Variants in OR1J2 observed in about 807,000 individuals in gnomAD.
OR1J2 encodes the protein olfactory receptor family 1 subfamily J member 2.
For synonymous variants in OR1J2, 142 were observed against 99.7 expected, an observed-to-expected ratio of 1.42 and a Z score of -2.52; for missense variants, 304 against 246.1, an observed-to-expected ratio of 1.24 and a Z score of -1.57.
chr9:122,467,019 C>T, the OR1J2 span, among the ~76,000 whole-genome samples: 1 of 152,024 alleles, frequency 6.6e-6, no homozygotes, highest in Admixed American at 6.5e-5. Context: ...CGGGGTTTCA[C>T]CTTGTTGGGC....
the OR1J2 span, among the ~76,000 whole-genome samples, chr9:122,478,361 C>CA: frequency 6.6e-6 from 1 of 152,130 alleles, no homozygotes; most frequent in South Asian, 2.1e-4. Flanking sequence ...TATCTTGACT[C>CA]CATAGTTTCT....
chr9:122,458,811 C>G, the OR1J2 span, among the ~76,000 whole-genome samples: 1 of 151,890 alleles, frequency 6.6e-6, no homozygotes, highest in Non-Finnish European at 1.5e-5. Context: ...CAGCCATTGT[C>G]TCATGAAATA....
the OR1J2 span, among the ~76,000 whole-genome samples, chr9:122,473,608 C>G: frequency 6.6e-6 from 1 of 152,142 alleles, no homozygotes; most frequent in Non-Finnish European, 1.5e-5. Flanking sequence ...TATTTAGACA[C>G]TTGGACAACA....
chr9:122,499,483 C>T, the OR1J2 span, among the ~76,000 whole-genome samples: 2 of 152,084 alleles, frequency 1.3e-5, no homozygotes, highest in Non-Finnish European at 2.9e-5. Context: ...GGGCATGGAT[C>T]AGAGAGAGCC....
At chr9:122,551,283 G>T in the OR1J2 span, among the ~76,000 whole-genome samples, 2 of 152,138 alleles carry the variant, frequency 1.3e-5, no homozygotes, top group East Asian at 3.9e-4. Context: ...ACCTAGGTGG[G>T]GATTCCACTC....
chr9:122,554,288 TAAA>T, the OR1J2 span: 1,065 of 545,228 alleles, frequency 2.0e-3, no homozygotes, highest in South Asian at 3.4e-3. Context: ...GTTAGGGATG[TAAA>T]AAAAAAAAAA....
At chr9:122,521,432 A>G in the OR1J2 span, among the ~76,000 whole-genome samples, 4 of 152,352 alleles carry the variant, frequency 2.6e-5, no homozygotes, top group Non-Finnish European at 5.9e-5. Context: ...AGGTAAGGAA[A>G]GACAGATCAG....
the OR1J2 span, among the ~76,000 whole-genome samples, chr9:122,549,699 C>T: frequency 6.6e-6 from 1 of 152,008 alleles, no homozygotes; most frequent in Non-Finnish European, 1.5e-5. Flanking sequence ...TCCAGGTTCT[C>T]TATTCTTTCC....
At chr9:122,553,888 G>C in the OR1J2 span, 9 of 1,613,972 alleles carry the variant, frequency 5.6e-6, no homozygotes, top group Non-Finnish European at 6.8e-6. Flanking sequence ...CGCATTTTCT[G>C]GGCTGTGTTT....
the OR1J2 span, among the ~76,000 whole-genome samples, chr9:122,494,784 A>C: frequency 6.6e-6 from 1 of 152,136 alleles, no homozygotes; most frequent in Admixed American, 6.5e-5. Flanking sequence ...AGGTCCTGTG[A>C]GATTTATCCT....
At chr9:122,552,549 G>C in the OR1J2 span, among the ~76,000 whole-genome samples, 4 of 152,122 alleles carry the variant, frequency 2.6e-5, no homozygotes, top group South Asian at 8.3e-4. Flanking sequence ...GTGTGTGTGG[G>C]AGGGAACATC....
the OR1J2 span, among the ~76,000 whole-genome samples, chr9:122,518,837 A>AT: frequency 6.6e-6 from 1 of 152,258 alleles, no homozygotes; most frequent in Admixed American, 6.5e-5. Context: ...AACAATGGAA[A>AT]TTGGAAAGAC....
the OR1J2 span, among the ~76,000 whole-genome samples, chr9:122,541,674 G>T: frequency 1.3e-4 from 20 of 152,270 alleles, no homozygotes; most frequent in African/African-American, 4.6e-4. Flanking sequence ...AATATTAAAA[G>T]AATTTTCTTG....
At chr9:122,519,014 G>A in the OR1J2 span, 1 of 669,856 alleles carries the variant, frequency 1.5e-6, no homozygotes, top group South Asian at 1.9e-5. Flanking sequence ...ACATAGCAAT[G>A]TAGACAGACA....
chr9:122,517,193 G>A, the OR1J2 span, among the ~76,000 whole-genome samples: 1 of 152,154 alleles, frequency 6.6e-6, no homozygotes, highest in African/African-American at 2.4e-5. Flanking sequence ...AAGTGATGTT[G>A]CCAGGACTTG....
chr9:122,552,052 CAT>C, the OR1J2 span, among the ~76,000 whole-genome samples: 1 of 138,176 alleles, frequency 7.2e-6, no homozygotes, highest in East Asian at 2.5e-4. Flanking sequence ...CACACACACA[CAT>C]ACACTCTCTC....
the OR1J2 span, among the ~76,000 whole-genome samples, chr9:122,474,757 T>C: frequency 6.6e-6 from 1 of 152,214 alleles, no homozygotes; most frequent in Non-Finnish European, 1.5e-5. Context: ...TATGCTTCTA[T>C]GGCAAGGTTT....
chr9:122,526,477 C>T, the OR1J2 span: 1 of 1,568,840 alleles, frequency 6.4e-7, no homozygotes, highest in East Asian at 2.2e-5. Flanking sequence ...TACATTGCAG[C>T]TGCTGCAATG....
chr9:122,544,511 C>T, the OR1J2 span, among the ~76,000 whole-genome samples: 1 of 151,074 alleles, frequency 6.6e-6, no homozygotes, highest in African/African-American at 2.4e-5. Context: ...CCCTCCGCCT[C>T]CCAGGTTCAA....
Sources: allele counts gnomAD v4.1 joint callset (sites outside exome capture counted in the v4.1 genomes callset), GRCh38; gene constraint gnomAD v4.1.1; transcripts MANE v1.5; gene names NCBI Gene and HGNC (gene_info 2026-07-23, HGNC 2026-07-21).